MYH11: variants seen among roughly 807,000 people sequenced by gnomAD.
MYH11 encodes myosin-11.
In MYH11, 80 loss-of-function variants were observed where a neutral mutation model predicts 246.6. The ratio of observed to expected loss-of-function variants is 0.32; its 90% CI spans 0.27 to 0.39. The LOEUF (loss-of-function observed/expected upper bound fraction) is 0.39. Among genes scored for constraint, MYH11 ranks in the 10% least tolerant of loss-of-function variants. The pLI is 1.00. For synonymous variants in MYH11, 1,071 were observed against 1,015.5 expected (o/e 1.05, Z -1.04); for missense variants, 2,158 against 2,546.8 (o/e 0.85, Z 3.29).
At chr16:15,763,758 C>CCCCCCCCCA in intron 10 of MYH11, 38 bp downstream of exon 10, 1 of 1,086,154 alleles carries the variant, frequency 9.2e-7, no homozygotes, top group Non-Finnish European at 1.4e-6. Flanking sequence ...CCCCCCCAAC[C>CCCCCCCCCA]CCAAAGTCAT....
chr16:15,717,231 C>G lies in MYH11; in HGVS notation c.5413G>C (p.Glu1805Gln), dbSNP rs1382954416. 1.2e-6 allele frequency: 2 copies of G among 1,614,228 alleles called. No individual in the cohort carries two copies. The highest frequency in any genetic ancestry group is 1.1e-5 in the South Asian group (1 of 91,088). ...KELRSKLHEM[E>Q]GAVKSKFKST... ...TTGAACTTGGACTTGACGGCCCCCT[C>G]CATCTCGTGGAGCTTGCTCCGGAGC... The change falls in exon 38 of 41, where the codon GAG (glutamate) becomes CAG (glutamine). Residue 1805 changes from glutamate to glutamine, a missense_variant. Around this residue, in one of 11 missense-constraint regions of MYH11, gnomAD observed 1,013 missense variants for 993.5 expected, o/e 1.02. Transcript: ENST00000300036.
At chr16:15,783,704 A>G (rs1222751428) in intron 5 of MYH11, among the ~76,000 whole-genome samples, 1 of 152,142 alleles carries the variant, frequency 6.6e-6, no homozygotes, top group African/African-American at 2.4e-5. Context: ...GCTCTCTGAA[A>G]AAGGCTCCCT....
At chr16:15,846,887 G>A (rs1449000339) in intron 1 of MYH11, among the ~76,000 whole-genome samples, 1 of 152,074 alleles carries the variant, frequency 6.6e-6, no homozygotes, top group African/African-American at 2.4e-5. Flanking sequence ...TCAGGAGGTC[G>A]GGGATGCAGT....
At chr16:15,806,135 G>C (rs1396686968) in intron 3 of MYH11, among the ~76,000 whole-genome samples, 1 of 151,718 alleles carries the variant, frequency 6.6e-6, no homozygotes. Flanking sequence ...AAATTAGCCA[G>C]GTGTGGTGGC....
chr16:15,738,723 T>C (rs1463239162), intron 23 of MYH11, 35 bp from the exon 24 acceptor site: 6 of 1,610,764 alleles, frequency 3.7e-6, no homozygotes, highest in South Asian at 1.1e-5. Flanking sequence ...AGCTTTAGGA[T>C]TTTTCTTTTC....
rs537547206 is a variant in MYH11 at position 15,801,756 on chromosome 16, A to T, written c.503-3069T>A. 3.3e-5 allele frequency among the ~76,000 whole-genome samples: 5 copies of T among 152,268 alleles called. No individual in the cohort carries two copies. In the South Asian group the frequency reaches 1.0e-3, roughly 32 times the overall value. On this transcript the variant is annotated intron_variant, in intron 3 of 40. Transcript: ENST00000300036. The stretch of plus-strand genomic sequence containing the variant: ...CAGATCACTTGAGGTCAGGAGTTCA[A>T]GACCAGCCTGGCCAACATGGTGAAA...
At position 15,732,599 on chromosome 16, in the gene MYH11, C is replaced by T. The variant is rs933047011; in HGVS notation, c.3616G>A (p.Glu1206Lys). ...TGCTCAAGCTGCTCTGTGAGCTCCTCCACCGCCTGTGCGTGTTTCTGCCTC... is the reference window on the plus strand; with the variant it reads ...TGCTCAAGCTGCTCTGTGAGCTCCTTCACCGCCTGTGCGTGTTTCTGCCTC... Reference protein sequence around the residue: ...EMRQKHAQAVEELTEQLEQFK... With the variant: ...EMRQKHAQAVKELTEQLEQFK... Residue 1206 changes from glutamate (E) to lysine (K), a missense_variant, in exon 27 of 41, where the codon GAG becomes AAG. This residue lies in a region of MYH11 where 1,013 missense variants were observed against 993.5 expected (regional missense o/e 1.02). Transcript: ENST00000300036. 2 of 1,614,242 alleles carry T rather than the reference C, an allele frequency of 1.2e-6. No individual in the cohort carries two copies. Among genetic ancestry groups the T allele is most frequent in the Non-Finnish European group, 1.7e-6 (2 of 1,180,054 alleles).
At position 15,740,095 on chromosome 16, in the gene MYH11, C is replaced by T. The variant is rs1409062479; in HGVS notation, c.2953G>A (p.Asp985Asn). 1 of 1,614,222 alleles carries T rather than the reference C, an allele frequency of 6.2e-7. No individual in the cohort carries two copies. The highest frequency in any genetic ancestry group is 1.3e-5 in the African/African-American group (1 of 75,064). Reference sequence around the variant, plus strand: ...TGATCATCCATGACCAGGATCTCATCCTCCAGTTTCTTGATCTTGGCCTCA... The same window carrying T: ...TGATCATCCATGACCAGGATCTCATTCTCCAGTTTCTTGATCTTGGCCTCA... Reference protein sequence around the residue: ...TAEAKIKKLEDEILVMDDQNN... With the variant: ...TAEAKIKKLENEILVMDDQNN... The change falls in exon 23 of 41, where the codon GAT (aspartate) becomes AAT (asparagine). Residue 985 changes from aspartate (D) to asparagine (N), a missense_variant. This residue lies in a region of MYH11 where 284 missense variants were observed against 315.4 expected (regional missense o/e 0.90). Transcript: ENST00000300036.
rs749462800 is a variant in MYH11 at position 15,718,362 on chromosome 16, C to T, written c.5248G>A (p.Gly1750Ser). The change falls in exon 37 of 41, where the codon GGC (glycine) becomes AGC (serine). Residue 1750 changes from glycine (G) to serine (S), a missense_variant. Coordinates refer to ENST00000300036, the MANE Select transcript of MYH11 (RefSeq NM_002474.3). ...QLEEELEEEQ[G>S]NMEAMSDRVR... ...CGGTCGCTCATGGCCTCCATGTTGC[C>T]CTGCTCCTCCTCCAGCTCCTCCTCC... 3.7e-6 allele frequency: 6 copies of T among 1,608,146 alleles called. No individual in the cohort carries two copies. The highest frequency in any genetic ancestry group is 1.7e-4 in the Middle Eastern group (1 of 5,816).
intron 1 of MYH11, among the ~76,000 whole-genome samples, chr16:15,840,559 CT>C (rs1567213507): frequency 6.6e-6 from 1 of 152,116 alleles, no homozygotes; most frequent in East Asian, 1.9e-4. Flanking sequence ...TAAGAAGCCC[CT>C]GTCTCTGTAA....
intron 1 of MYH11, among the ~76,000 whole-genome samples, chr16:15,850,257 C>T (rs995333807): frequency 2.0e-5 from 3 of 151,804 alleles, no homozygotes; most frequent in African/African-American, 7.3e-5. Flanking sequence ...TGGTGGTGGG[C>T]GCCTGTAATA....
In MYH11 at chr16:15,719,501, T is replaced by C. The variant is rs565114022; in HGVS notation, c.5082+84A>G. 10 of 1,600,504 alleles carry C rather than the reference T, an allele frequency of 6.2e-6. No individual in the cohort carries two copies. In the South Asian group the frequency reaches 1.1e-4, roughly 18 times the overall value. Reference sequence around the variant, plus strand: ...GACCCCAGAGGAGGACGAAATGAAATCTGGGAATGCACAGACTGGAGCTGC... The same window carrying C: ...GACCCCAGAGGAGGACGAAATGAAACCTGGGAATGCACAGACTGGAGCTGC... On this transcript the variant is annotated intron_variant, in intron 35 of 40. Coordinates refer to ENST00000300036, the MANE Select transcript of MYH11 (RefSeq NM_002474.3).
chr16:15,763,741 T>TCGGGGGGCCCCCCCCCCCCCC, intron 10 of MYH11, 55 bp downstream of exon 10: 1 of 646,856 alleles, frequency 1.5e-6, no homozygotes, highest in East Asian at 3.2e-5. Flanking sequence ...AAATGTCACC[T>TCGGGGGGCCCCCCCCCCCCCC]CCCCCACCCC....
intron 1 of MYH11, among the ~76,000 whole-genome samples, chr16:15,851,786 A>G (rs530211336): frequency 2.8e-4 from 42 of 152,302 alleles, no homozygotes; most frequent in African/African-American, 8.7e-4. Context: ...CTCTTAATGC[A>G]TAACACTATT....
At position 15,747,689 on chromosome 16, in the gene MYH11, C is replaced by A. The variant is rs780354636; in HGVS notation, c.2292G>T (p.Gly764=). Residue 764 remains glycine (G), a synonymous_variant, in exon 19 of 41, where the codon GGG becomes GGT. Coordinates refer to ENST00000300036, the MANE Select transcript of MYH11 (RefSeq NM_002474.3). ...CAGTTCGGAAGAAGATTTTGCTCTG[C>A]CCTATCCTGTATAAGTTGGGGTCAA... ...LELDPNLYRI[G]QSKIFFRTGV... 7 of 1,614,086 alleles carry A rather than the reference C, an allele frequency of 4.3e-6. No homozygotes were observed. Among genetic ancestry groups the A allele is most frequent in the Middle Eastern group, 3.3e-4 (2 of 6,062 alleles).
At chr16:15,854,594 A>T (rs1038486442) in intron 1 of MYH11, among the ~76,000 whole-genome samples, 2 of 152,202 alleles carry the variant, frequency 1.3e-5, no homozygotes, top group African/African-American at 4.8e-5. Context: ...GTGCCCAAAA[A>T]ACATGAGTTA....
At chr16:15,712,939 T>C (rs1430231801) in intron 40 of MYH11, 2 of 145,484 alleles carry the variant, frequency 1.4e-5, no homozygotes, top group Non-Finnish European at 3.0e-5. Flanking sequence ...CTGCAACCTC[T>C]CTCTCCCGGT....
chr16:15,747,807 C>T (rs1596773341), intron 18 of MYH11, 67 bp downstream of exon 18: 2 of 1,612,184 alleles, frequency 1.2e-6, no homozygotes, highest in East Asian at 4.5e-5. Context: ...TAAGAACGGT[C>T]CCACCAAGAG....
chr16:15,718,456 A>G lies in MYH11; in HGVS notation c.5172-18T>C, dbSNP rs780970522. 2.6e-6 allele frequency: 4 copies of G among 1,545,582 alleles called. No homozygotes were observed. The highest frequency in any genetic ancestry group is 2.4e-5 in the East Asian group (1 of 41,472). On this transcript the variant is annotated intron_variant, in intron 36 of 40. Transcript: ENST00000300036. Reference sequence around the variant, plus strand: ...GTGCGTTCCTGGGGGAAGGGCGGCCATGGTGGGGGCCTCTACCCTCCCCCG... The same window carrying G: ...GTGCGTTCCTGGGGGAAGGGCGGCCGTGGTGGGGGCCTCTACCCTCCCCCG...
Sources: allele counts gnomAD v4.1 joint callset (sites outside exome capture counted in the v4.1 genomes callset), GRCh38; gene constraint gnomAD v4.1.1; regional missense constraint gnomAD v4.1.1; transcripts MANE v1.5; gene names NCBI Gene and HGNC (gene_info 2026-07-23, HGNC 2026-07-21).